The following MSH5 variants were observed in gnomAD, a reference collection of about 807,000 sequenced individuals.
MSH5 encodes the protein mutS protein homolog 5.
MSH5 carries 78 observed loss-of-function variants against 107.7 expected under a neutral mutation model. The observed-to-expected ratio is 0.72, with a 90% confidence interval of 0.60 to 0.87. The LOEUF is 0.87. Ranked by LOEUF, MSH5 falls within the 40% of genes least tolerant of loss-of-function variation. The pLI is 0.00. For synonymous variants in MSH5, 326 were observed against 399.5 expected (o/e 0.82, Z 2.19); for missense variants, 889 against 1,046.6 (o/e 0.85, Z 2.08).
intron 5 of MSH5, 53 bp from the exon 6 acceptor site, chr6:31,743,851 G>A (rs968092721): frequency 6.3e-7 from 1 of 1,593,570 alleles, no homozygotes; most frequent in African/African-American, 1.4e-5. Context: ...CTTAAAATGG[G>A]GTGAAAAAAT....
intron 12 of MSH5, among the ~76,000 whole-genome samples, chr6:31,755,606 C>T (rs1222838204): frequency 1.3e-5 from 2 of 152,168 alleles, no homozygotes; most frequent in African/African-American, 4.8e-5. Context: ...AGATGATCTG[C>T]CTGCCCCGGC....
rs147515280 is a variant in MSH5, at chr6:31,744,193, C to T, written c.541C>T (p.Arg181Ter). The T allele has an allele frequency of 1.4e-4, 231 of 1,610,702 alleles. 1 individual carries two copies. Among genetic ancestry groups the T allele is most frequent in the Non-Finnish European group, 1.8e-4 (218 of 1,178,406 alleles). Residue 181 changes from arginine to a stop codon, truncating the protein, a stop_gained, in exon 7 of 25, where the codon CGA becomes TGA. Transcript: ENST00000375750. LOFTEE classifies it high-confidence loss of function. ...TCCACTGCTGATCCCCTCCCAGGTT[C>T]GAGCACTTGGAGGGCTGCTGAAGTT... Reference protein sequence around the residue: ...IIPFDCLLTVRALGGLLKFLG... With the variant: ...IIPFDCLLTV
chr6:31,758,556 T>G lies in MSH5; in HGVS notation c.1152T>G (p.Phe384Leu). Reference sequence around the variant, plus strand: ...AGTACTTATCTCCTCAGGTGGACTTTGAGGGCAGCCTTGCTGAAAATCGCT... The same window carrying G: ...AGTACTTATCTCCTCAGGTGGACTTGGAGGGCAGCCTTGCTGAAAATCGCT... ...IASLIGKVVD[F>L]EGSLAENRFT... Residue 384 changes from phenylalanine to leucine, a missense_variant, in exon 14 of 25, where the codon TTT (phenylalanine) becomes TTG (leucine). Around this residue, in one of 3 missense-constraint regions of MSH5, gnomAD observed 518 missense variants for 565.0 expected, o/e 0.92. Coordinates refer to ENST00000375750, the MANE Select transcript of MSH5 (RefSeq NM_172166.4). The surrounding 1 kb of genome is among the most constrained non-coding windows in gnomAD (Gnocchi z 5.1). The G allele has an allele frequency of 6.2e-7, 1 of 1,613,426 alleles. No individual in the cohort carries two copies. Among genetic ancestry groups the G allele is most frequent in the Middle Eastern group, 1.7e-4 (1 of 6,038 alleles).
intron 7 of MSH5, 119 bp downstream of exon 7, chr6:31,744,418 C>T (rs1270655396): frequency 6.5e-6 from 10 of 1,527,308 alleles, no homozygotes; most frequent in African/African-American, 1.4e-5. Context: ...CTAGGACACC[C>T]GGGAGAATCT....
intron 12 of MSH5, among the ~76,000 whole-genome samples, chr6:31,754,938 G>C (rs1376527999): frequency 3.3e-5 from 5 of 151,622 alleles, no homozygotes; most frequent in African/African-American, 1.2e-4. Context: ...ATTTTTAGTA[G>C]AGACAGGGTT....
At chr6:31,750,932 A>G (rs1374443904) in intron 10 of MSH5, among the ~76,000 whole-genome samples, 3 of 152,244 alleles carry the variant, frequency 2.0e-5, no homozygotes, top group African/African-American at 4.8e-5. Context: ...CTCATGGCCA[A>G]TAAGTATACA....
rs1810896257 is a variant in MSH5, at chr6:31,760,539, CG to C, written c.1813-147del. 8 of 1,095,680 alleles carry C rather than the reference CG, an allele frequency of 7.3e-6. No individual in the cohort carries two copies. In the South Asian group the frequency reaches 1.1e-4, roughly 15 times the overall value. The allele number at this position is 1,095,680 out of a possible 1,614,324, so 67.9% of individuals were successfully genotyped here. A position where few individuals can be genotyped will look rare whatever the true frequency, so the allele number is the denominator to read the frequency against. ...AGCCCACAGGGCTATGGTCAGGATT[CG>C]GGGAGGAGAGACAGAGTCAGTGTGT... On this transcript the variant is annotated intron_variant, in intron 19 of 24. Transcript: ENST00000375750. The surrounding 1 kb of genome is among the most constrained non-coding windows in gnomAD (Gnocchi z 5.6).
rs1293085972 is a variant in MSH5 at position 31,759,854 on chromosome 6, G to T, written c.1564G>T (p.Val522Leu). The part of the protein sequence containing the change: ...VLARAAVLTR[V>L]LDLASRLDVL... ...GGCACGAGCAGCTGTCTTAACCCGA[G>T]TATTGGACCTTGCCTCCCGCCTGGA... Residue 522 changes from valine to leucine, a missense_variant, in exon 18 of 25, where the codon GTA becomes TTA. Val to Leu is a conservative substitution (Grantham distance 32). Around this residue, in one of 3 missense-constraint regions of MSH5, gnomAD observed 362 missense variants for 456.2 expected, o/e 0.79. Transcript: ENST00000375750. This position sits in a 1 kb window ranked among gnomAD's most constrained non-coding sequence, Gnocchi z 4.7. 1.2e-6 allele frequency: 2 copies of T among 1,614,112 alleles called. No individual in the cohort carries two copies. The highest frequency in any genetic ancestry group is 1.7e-5 in the Admixed American group (1 of 60,026).
intron 5 of MSH5, 143 bp downstream of exon 5, chr6:31,743,313 C>G: frequency 1.2e-6 from 1 of 816,250 alleles, no homozygotes; most frequent in East Asian, 2.6e-5. Context: ...GACCTGTCCC[C>G]CCAAGATCTC....
At chr6:31,750,452 T>C (rs1242815389) in intron 10 of MSH5, among the ~76,000 whole-genome samples, 1 of 152,206 alleles carries the variant, frequency 6.6e-6, no homozygotes, top group Non-Finnish European at 1.5e-5. Context: ...TCTGGAGACA[T>C]GATTTTGAGA....
Position 31,761,243 on chromosome 6 carries a change from T to C in MSH5, c.2018T>C (p.Phe673Ser). Reference sequence around the variant, plus strand: ...CAGTCGCTGGTCCTTATTGATGAATTTGGAAAGGGAACCAACACGGTGAGG... The same window carrying C: ...CAGTCGCTGGTCCTTATTGATGAATCTGGAAAGGGAACCAACACGGTGAGG... ...TAQSLVLIDE[F>S]GKGTNTVDGL... The change falls in exon 21 of 25, where the codon TTT becomes TCT. Residue 673 changes from phenylalanine to serine, a missense_variant. Transcript: ENST00000375750. This position sits in a 1 kb window ranked among gnomAD's most constrained non-coding sequence, Gnocchi z 5.3. The C allele has an allele frequency of 6.2e-7, 1 of 1,613,804 alleles. No homozygotes were observed. The highest frequency in any genetic ancestry group is 1.3e-5 in the African/African-American group (1 of 74,982).
chr6:31,744,615 G>A, intron 8 of MSH5, 34 bp downstream of exon 8: 1 of 1,610,810 alleles, frequency 6.2e-7, no homozygotes. Flanking sequence ...TGTCTCTGGG[G>A]AGGGAGAAGG....
chr6:31,744,329 G>C lies in MSH5; in HGVS notation c.647+30G>C, dbSNP rs755250992. On this transcript the variant is annotated intron_variant, in intron 7 of 24. Coordinates refer to ENST00000375750, the MANE Select transcript of MSH5 (RefSeq NM_172166.4). ...GTGATTCACCCCAACCCCAACCAAA[G>C]TAATGTGGGATTGGGAGGCCTGAAA... 4 of 1,613,644 alleles carry C rather than the reference G, an allele frequency of 2.5e-6. No homozygotes were observed. In the Admixed American group the frequency reaches 6.7e-5, roughly 27 times the overall value.
At chr6:31,752,923 A>G (rs937508433) in intron 10 of MSH5, among the ~76,000 whole-genome samples, 3 of 152,228 alleles carry the variant, frequency 2.0e-5, no homozygotes, top group Admixed American at 1.3e-4. Flanking sequence ...CTAAAAAGAC[A>G]TACAAACTCA....
At position 31,762,579 on chromosome 6, in the gene MSH5, C is replaced by A. The variant is rs11554180; in HGVS notation, c.*48C>A. On this transcript the variant is annotated 3_prime_UTR_variant, in exon 25 of 25. Coordinates refer to ENST00000375750, the MANE Select transcript of MSH5 (RefSeq NM_172166.4). ...AGCCTCCTGAGACTCCGGTGGGCTG[C>A]CATGCCCTCTTTGTTTCCTTATCTC... The A allele has an allele frequency of 8.4e-7, 1 of 1,195,492 alleles. No homozygotes were observed. Among genetic ancestry groups the A allele is most frequent in the Non-Finnish European group, 1.2e-6 (1 of 811,660 alleles). 74.1% of individuals were successfully genotyped at this position (1,195,492 alleles called of 1,614,324 possible). A position where few individuals can be genotyped will look rare whatever the true frequency, so the allele number is the denominator to read the frequency against.
chr6:31,745,950 T>C lies in MSH5; in HGVS notation c.766+631T>C, dbSNP rs141947965. Among the ~76,000 whole-genome samples the C allele has an allele frequency of 1.6e-3, 243 of 152,004 alleles. 1 individual carries two copies. Among genetic ancestry groups the C allele is most frequent in the African/African-American group, 5.5e-3 (229 of 41,488 alleles). ...GCCTGGCTAATTTTTGTATTTTTAG[T>C]AGAGAACGGGTTTCACTGTGTTAGC... On this transcript the variant is annotated intron_variant, in intron 9 of 24. Transcript: ENST00000375750.
chr6:31,761,234 T>C lies in MSH5; in HGVS notation c.2009T>C (p.Ile670Thr), dbSNP rs777477382. ...NNATAQSLVL[I>T]DEFGKGTNTV... ...GCCACTGCACAGTCGCTGGTCCTTA[T>C]TGATGAATTTGGAAAGGGAACCAAC... The change falls in exon 21 of 25, where the codon ATT (isoleucine) becomes ACT (threonine). Residue 670 changes from isoleucine to threonine, a missense_variant. Physicochemically the swap from Ile to Thr is moderately conservative, Grantham distance 89. Coordinates refer to ENST00000375750, the MANE Select transcript of MSH5 (RefSeq NM_172166.4). The surrounding 1 kb of genome is among the most constrained non-coding windows in gnomAD (Gnocchi z 5.3). The C allele has an allele frequency of 1.1e-5, 18 of 1,613,732 alleles. No individual in the cohort carries two copies. The highest frequency in any genetic ancestry group is 5.0e-5 in the Admixed American group (3 of 59,984).
intron 3 of MSH5, among the ~76,000 whole-genome samples, chr6:31,741,673 C>T (rs964099604): frequency 6.6e-6 from 1 of 152,006 alleles, no homozygotes; most frequent in Admixed American, 6.6e-5. Flanking sequence ...TGAGTCACCA[C>T]GCCCAGCCAT....
In MSH5 at chr6:31,758,526, G is replaced by C; in HGVS notation, c.1144-22G>C. ...CAGGACAGAGGGTGCCAGGTCCTAA[G>C]AAACAGTACTTATCTCCTCAGGTGG... is the stretch of plus-strand genomic sequence containing the variant. On this transcript the variant is annotated intron_variant, in intron 13 of 24. Transcript: ENST00000375750. The surrounding 1 kb of genome is among the most constrained non-coding windows in gnomAD (Gnocchi z 5.1). 6.2e-7 allele frequency: 1 copy of C among 1,613,034 alleles called. No individual in the cohort carries two copies.
Sources: gnomAD v4.1 joint callset for allele counts (sites outside exome capture counted in the v4.1 genomes callset) on GRCh38, gnomAD v4.1.1 for gene constraint, gnomAD v4.1.1 regional missense constraint, Gnocchi (gnomAD v3.1) non-coding constraint, MANE v1.5 for transcripts, NCBI Gene and HGNC (gene_info 2026-07-23, HGNC 2026-07-21) for gene names.